CHLSN: variants seen among roughly 807,000 people sequenced by gnomAD.
CHLSN encodes the protein protein cholesin.
the CHLSN span, among the ~76,000 whole-genome samples, chr7:1,133,402 A>AC: frequency 6.6e-6 from 1 of 151,670 alleles, no homozygotes; most frequent in Non-Finnish European, 1.5e-5. Context: ...CAAAAAAAAA[A>AC]AAAAAAAAAA....
the CHLSN span, among the ~76,000 whole-genome samples, chr7:1,062,484 G>A: frequency 2.0e-5 from 3 of 152,158 alleles, no homozygotes; most frequent in African/African-American, 7.2e-5. Flanking sequence ...CGCCCGGCAC[G>A]CAAACCATGT....
chr7:986,407 C>G, the CHLSN span: 1 of 598,590 alleles, frequency 1.7e-6, no homozygotes, highest in South Asian at 2.0e-5. Context: ...CTGTGCAAAC[C>G]TGCCTGGCTG....
At chr7:1,111,758 C>T in the CHLSN span, among the ~76,000 whole-genome samples, 5 of 152,126 alleles carry the variant, frequency 3.3e-5, no homozygotes, top group Admixed American at 6.5e-5. Flanking sequence ...GCCAGGATCA[C>T]GCCATTGCAC....
chr7:987,444 C>T, the CHLSN span: 76 of 1,584,174 alleles, frequency 4.8e-5, no homozygotes, highest in African/African-American at 9.4e-5. Flanking sequence ...CCGTGCTCCA[C>T]GAGGTGCAGC....
chr7:999,684 T>C, the CHLSN span, among the ~76,000 whole-genome samples: 1 of 151,700 alleles, frequency 6.6e-6, no homozygotes, highest in Non-Finnish European at 1.5e-5. Context: ...GCTCTGAGAG[T>C]CTGCAAACAC....
the CHLSN span, among the ~76,000 whole-genome samples, chr7:1,053,461 A>G: frequency 1.3e-5 from 2 of 152,326 alleles, no homozygotes; most frequent in South Asian, 4.1e-4. Flanking sequence ...AGGTGGGAAC[A>G]CTGGCTCACA....
chr7:1,085,943 G>A, the CHLSN span, among the ~76,000 whole-genome samples: 10 of 152,198 alleles, frequency 6.6e-5, no homozygotes, highest in Non-Finnish European at 8.8e-5. Flanking sequence ...TCTTGGAGAC[G>A]GAAGTTCCTG....
chr7:1,127,264 C>T, the CHLSN span: 1 of 1,597,412 alleles, frequency 6.3e-7, no homozygotes, highest in Non-Finnish European at 8.5e-7. Flanking sequence ...TACCTTGGAG[C>T]CGGCTCCTTC....
At chr7:1,093,660 C>T in the CHLSN span, 8 of 470,984 alleles carry the variant, frequency 1.7e-5, no homozygotes, top group South Asian at 3.1e-5. Flanking sequence ...CAATGAAATA[C>T]TCCAGCACCT....
chr7:987,234 C>T, the CHLSN span: 40 of 1,532,932 alleles, frequency 2.6e-5, no homozygotes, highest in Admixed American at 3.4e-4. Flanking sequence ...GGCCGGCACC[C>T]GGACGTGCAG....
the CHLSN span, chr7:1,056,492 C>G: frequency 6.6e-6 from 1 of 152,598 alleles, no homozygotes; most frequent in Non-Finnish European, 1.5e-5. Context: ...CTGCCAGCTG[C>G]CTGCATGCCT....
the CHLSN span, among the ~76,000 whole-genome samples, chr7:1,040,577 G>A: frequency 1.3e-3 from 195 of 151,990 alleles, 1 homozygote; most frequent in Non-Finnish European, 1.8e-3. Flanking sequence ...AATGTCAAAT[G>A]TAAAACTATA....
chr7:997,511 T>C, the CHLSN span: 1 of 960,002 alleles, frequency 1.0e-6, no homozygotes. Flanking sequence ...CTGAAAGCCC[T>C]TGCTCAGCCG....
chr7:1,136,166 ATG>A, the CHLSN span, among the ~76,000 whole-genome samples: 2 of 112,376 alleles, frequency 1.8e-5, no homozygotes, highest in African/African-American at 3.9e-5. Context: ...ATACATAAAT[ATG>A]TATAAATATA....
the CHLSN span, chr7:1,127,445 G>T: frequency 6.8e-7 from 1 of 1,468,928 alleles, no homozygotes; most frequent in Non-Finnish European, 9.1e-7. Flanking sequence ...ACTCATGTAA[G>T]ATTTTTAAAT....
the CHLSN span, among the ~76,000 whole-genome samples, chr7:1,101,777 G>A: frequency 6.6e-6 from 1 of 152,244 alleles, no homozygotes; most frequent in Non-Finnish European, 1.5e-5. Flanking sequence ...GGGGCCGGCC[G>A]CAGGCCCAGG....
the CHLSN span, chr7:1,056,175 C>G: frequency 6.4e-6 from 1 of 156,364 alleles, no homozygotes; most frequent in Non-Finnish European, 1.4e-5. Context: ...ACCAACATCC[C>G]CCAGATTGCT....
the CHLSN span, among the ~76,000 whole-genome samples, chr7:1,071,219 C>T: frequency 9.7e-3 from 1,477 of 152,328 alleles, 25 homozygotes; most frequent in African/African-American, 0.034. Context: ...ATGACCCTCC[C>T]GCACGTCAGC....
the CHLSN span, among the ~76,000 whole-genome samples, chr7:1,009,072 G>A: frequency 9.0e-5 from 12 of 133,958 alleles, no homozygotes; most frequent in South Asian, 1.6e-3. Flanking sequence ...TGCACGCAGC[G>A]TGCACATCCA....
Sources: gnomAD v4.1 joint callset for allele counts (sites outside exome capture counted in the v4.1 genomes callset) on GRCh38, gnomAD v4.1.1 for gene constraint, MANE v1.5 for transcripts, NCBI Gene and HGNC (gene_info 2026-07-23, HGNC 2026-07-21) for gene names.